Variants in SIPA1L1 observed in about 807,000 individuals in gnomAD.
SIPA1L1 encodes the protein signal-induced proliferation-associated 1-like protein 1.
SIPA1L1 carries 26 observed loss-of-function variants against 162.7 expected under a neutral mutation model. The observed-to-expected ratio is 0.16, with a 90% CI of 0.12 to 0.22. The LOEUF (loss-of-function observed/expected upper bound fraction) is 0.22. Among genes scored for constraint, SIPA1L1 ranks in the 10% least tolerant of loss-of-function variants. The pLI, the probability that SIPA1L1 is intolerant of heterozygous loss-of-function variation, is 1.00. For missense variants in SIPA1L1, 1,874 were observed against 2,241.0 expected (o/e 0.84, Z 3.31); for synonymous variants, 829 against 837.4 (o/e 0.99, Z 0.17).
intron 2 of SIPA1L1, among the ~76,000 whole-genome samples, chr14:71,361,132 A>G (rs1354749827): frequency 6.6e-6 from 1 of 152,046 alleles, no homozygotes; most frequent in East Asian, 1.9e-4. Flanking sequence ...TTAATCTTTT[A>G]TGTAAATTTT....
At chr14:71,472,412 C>T (rs931479197) in intron 2 of SIPA1L1, among the ~76,000 whole-genome samples, 25 of 150,552 alleles carry the variant, frequency 1.7e-4, no homozygotes, top group African/African-American at 5.1e-4. Flanking sequence ...TAATATGTTA[C>T]GTGTGGTCAT....
intron 2 of SIPA1L1, among the ~76,000 whole-genome samples, chr14:71,404,072 T>G (rs1397647291): frequency 6.7e-6 from 1 of 150,332 alleles, no homozygotes; most frequent in Non-Finnish European, 1.5e-5. Flanking sequence ...TATAGTTTCA[T>G]GACTTTTGCC....
At chr14:71,433,124 A>G (rs905191039) in intron 2 of SIPA1L1, among the ~76,000 whole-genome samples, 2 of 152,222 alleles carry the variant, frequency 1.3e-5, no homozygotes, top group African/African-American at 2.4e-5. Context: ...ATTCTGCTGT[A>G]TAGTGTTAGA....
chr14:71,444,293 T>C (rs971895453), intron 2 of SIPA1L1, among the ~76,000 whole-genome samples: 8 of 152,194 alleles, frequency 5.3e-5, no homozygotes, highest in Non-Finnish European at 1.0e-4. Flanking sequence ...CACCTCTCTG[T>C]GAACACAAAG....
intron 10 of SIPA1L1, among the ~76,000 whole-genome samples, chr14:71,661,708 C>T (rs886640498): frequency 3.9e-5 from 6 of 152,172 alleles, no homozygotes; most frequent in Admixed American, 3.9e-4. Flanking sequence ...TAGGTGATGT[C>T]CTTCATCCAT....
At chr14:71,458,673 A>G (rs1415326276) in intron 2 of SIPA1L1, among the ~76,000 whole-genome samples, 2 of 152,174 alleles carry the variant, frequency 1.3e-5, no homozygotes, top group African/African-American at 4.8e-5. Flanking sequence ...GGCTTTACAT[A>G]TGCTATCAGC....
In SIPA1L1 at chr14:71,377,521, C is replaced by T. The variant is rs1487601685; in HGVS notation, c.-465+56340C>T. ...GGTGGCCAGGCAGAGGGGCTCCTCA[C>T]ATCCCAGACCATGGGCAGCCAGGCA... On this transcript the variant is annotated intron_variant, in intron 2 of 23. Coordinates refer to ENST00000381232, the MANE Select transcript of SIPA1L1 (RefSeq NM_001386936.1). This position sits in a 1 kb window ranked among gnomAD's most constrained non-coding sequence, Gnocchi z 4.8. Among the ~76,000 whole-genome samples, 1 of 152,008 alleles carries T rather than the reference C, an allele frequency of 6.6e-6. No homozygotes were observed. Among genetic ancestry groups the T allele is most frequent in the East Asian group, 1.9e-4 (1 of 5,164 alleles).
intron 17 of SIPA1L1, among the ~76,000 whole-genome samples, chr14:71,715,634 T>C (rs1184007289): frequency 6.6e-6 from 1 of 152,240 alleles, no homozygotes; most frequent in South Asian, 2.1e-4. Context: ...GATTATCAAA[T>C]GTATTGCAAA....
At chr14:71,515,611 G>T (rs2051636226) in intron 3 of SIPA1L1, among the ~76,000 whole-genome samples, 2 of 151,984 alleles carry the variant, frequency 1.3e-5, no homozygotes, top group African/African-American at 4.8e-5. Flanking sequence ...ACATAATATG[G>T]TCCATAATAT....
chr14:71,394,266 C>G (rs774994459), intron 2 of SIPA1L1, among the ~76,000 whole-genome samples: 1 of 152,132 alleles, frequency 6.6e-6, no homozygotes, highest in African/African-American at 2.4e-5. Context: ...CCCCTATTAC[C>G]TTAGTTTAAA....
Position 71,377,280 on chromosome 14 carries a change from C to T in SIPA1L1, c.-465+56099C>T, listed in dbSNP as rs904730518. Among the ~76,000 whole-genome samples, 6 of 151,470 alleles carry T rather than the reference C, an allele frequency of 4.0e-5. No individual in the cohort carries two copies. Among genetic ancestry groups the T allele is most frequent in the South Asian group, 2.1e-4 (1 of 4,802 alleles). On this transcript the variant is annotated intron_variant, in intron 2 of 23. Coordinates refer to ENST00000381232, the MANE Select transcript of SIPA1L1 (RefSeq NM_001386936.1). The surrounding 1 kb of genome is among the most constrained non-coding windows in gnomAD (Gnocchi z 4.8). ...AGACGGGGCGGCGGCCGGACGGGGGCGTTCTCCACTTCTCAGACAGGGCGG... is the reference window on the plus strand; with the variant it reads ...AGACGGGGCGGCGGCCGGACGGGGGTGTTCTCCACTTCTCAGACAGGGCGG...
At chr14:71,621,282 C>T (rs2039414361) in intron 6 of SIPA1L1, among the ~76,000 whole-genome samples, 1 of 152,164 alleles carries the variant, frequency 6.6e-6, no homozygotes, top group South Asian at 2.1e-4. Context: ...TTGAAAGCTT[C>T]CTCATCTCCC....
At chr14:71,366,250 A>G (rs1186998313) in intron 2 of SIPA1L1, among the ~76,000 whole-genome samples, 1 of 152,118 alleles carries the variant, frequency 6.6e-6, no homozygotes, top group African/African-American at 2.4e-5. Context: ...CAAGACTAGA[A>G]TCCAGGTCTT....
intron 10 of SIPA1L1, among the ~76,000 whole-genome samples, chr14:71,662,162 T>C (rs140775416): frequency 8.9e-4 from 136 of 152,360 alleles, no homozygotes; most frequent in Non-Finnish European, 5.7e-4. Context: ...TTTCAAAATA[T>C]GGACATTTGG....
At chr14:71,506,725 G>A (rs779917290) in intron 2 of SIPA1L1, among the ~76,000 whole-genome samples, 67 of 149,726 alleles carry the variant, frequency 4.5e-4, no homozygotes, top group Non-Finnish European at 8.5e-4. Flanking sequence ...TTTTTTGATT[G>A]TTAAGGGTAT....
At chr14:71,613,098 G>T (rs891699461) in intron 5 of SIPA1L1, among the ~76,000 whole-genome samples, 3 of 152,024 alleles carry the variant, frequency 2.0e-5, no homozygotes, top group African/African-American at 7.2e-5. Flanking sequence ...AGCACATCAA[G>T]AAATAAAGCA....
intron 2 of SIPA1L1, chr14:71,330,805 T>C (rs1403827252): frequency 4.4e-6 from 3 of 679,106 alleles, no homozygotes; most frequent in Non-Finnish European, 8.1e-6. Context: ...CAGGCTTCAC[T>C]CCATATTCTA....
At chr14:71,558,287 A>T (rs1596109300) in intron 4 of SIPA1L1, among the ~76,000 whole-genome samples, 1 of 152,190 alleles carries the variant, frequency 6.6e-6, no homozygotes, top group Non-Finnish European at 1.5e-5. Context: ...CCTAGAATTT[A>T]CCAGCCATTG....
At chr14:71,492,788 AT>A (rs200832752) in intron 2 of SIPA1L1, among the ~76,000 whole-genome samples, 17,250 of 142,406 alleles carry the variant, frequency 0.12, 1,276 homozygotes, top group East Asian at 0.41. Flanking sequence ...GCCTGGCTAG[AT>A]TTTTTTTTTT....
Sources: allele counts gnomAD v4.1 joint callset (sites outside exome capture counted in the v4.1 genomes callset), GRCh38; gene constraint gnomAD v4.1.1; non-coding constraint Gnocchi (gnomAD v3.1); transcripts MANE v1.5; gene names NCBI Gene and HGNC (gene_info 2026-07-23, HGNC 2026-07-21).